Variants in PNMA2 observed in about 807,000 individuals in gnomAD.
PNMA2 encodes the protein paraneoplastic antigen Ma2.
For missense variants in PNMA2, 455 were observed against 452.9 expected, an observed-to-expected ratio of 1.00 and a Z score of -0.04; for synonymous variants, 175 against 183.5, an observed-to-expected ratio of 0.95 and a Z score of 0.38.
chr8:26,512,688 C>T (rs1420997855), intron 1 of PNMA2: 1 of 152,322 alleles, frequency 6.6e-6, no homozygotes, highest in East Asian at 1.9e-4. Flanking sequence ...GATTTTGCCA[C>T]TGTGGAAAGA....
At chr8:26,510,004 G>A (rs753855852) in intron 1 of PNMA2, among the ~76,000 whole-genome samples, 3 of 152,226 alleles carry the variant, frequency 2.0e-5, no homozygotes, top group Non-Finnish European at 4.4e-5. Context: ...AAGTGAAATA[G>A]TTTGAAGGTT....
chr8:26,507,897 G>A lies in PNMA2; in HGVS notation c.859C>T (p.Arg287Trp), dbSNP rs541732199. The A allele has an allele frequency of 5.6e-6, 9 of 1,614,156 alleles. No homozygotes were observed. The highest frequency in any genetic ancestry group is 2.2e-5 in the East Asian group (1 of 44,868). ...RRAVEKRAIP[R>W]RIADQVRLEQ... Reference sequence around the variant, plus strand: ...AGGCGGACCTGGTCCGCAATACGCCGAGGGATGGCGCGTTTCTCCACCGCT... The same window carrying A: ...AGGCGGACCTGGTCCGCAATACGCCAAGGGATGGCGCGTTTCTCCACCGCT... The change falls in exon 3 of 3, where the codon CGG becomes TGG. Residue 287 changes from arginine (R) to tryptophan (W), a missense_variant. Arg to Trp is a moderately radical substitution (Grantham distance 101). Coordinates refer to ENST00000522362, the MANE Select transcript of PNMA2 (RefSeq NM_007257.6).
chr8:26,511,134 A>C lies in PNMA2; in HGVS notation c.-618-1457T>G, dbSNP rs184344042. Among the ~76,000 whole-genome samples the C allele has an allele frequency of 4.6e-3, 679 of 147,312 alleles. 10 individuals carry two copies. The highest frequency in any genetic ancestry group is 0.016 in the African/African-American group (624 of 40,176). Reference sequence around the variant, plus strand: ...ACCACTGCACTCTAACCTGAGTAACAGAGCAAGACTCTGTCTCAAAAAAAA... The same window carrying C: ...ACCACTGCACTCTAACCTGAGTAACCGAGCAAGACTCTGTCTCAAAAAAAA... On this transcript the variant is annotated intron_variant, in intron 1 of 2. Coordinates refer to ENST00000522362, the MANE Select transcript of PNMA2 (RefSeq NM_007257.6).
Position 26,508,854 on chromosome 8 carries a change from T to C in PNMA2, c.-99A>G. 1 of 1,522,110 alleles carries C rather than the reference T, an allele frequency of 6.6e-7. No individual in the cohort carries two copies. Among genetic ancestry groups the C allele is most frequent in the Non-Finnish European group, 8.8e-7 (1 of 1,137,976 alleles). The allele number at this position is 1,522,110 out of a possible 1,614,324, so 94.3% of individuals were successfully genotyped here. A position where few individuals can be genotyped will look rare whatever the true frequency, so the allele number is the denominator to read the frequency against. The stretch of plus-strand genomic sequence containing the variant: ...ATTGAAAATATCCTGGATGAGCTTC[T>C]AACCTTAGAACCCACCAATGAATGG... On this transcript the variant is annotated 5_prime_UTR_variant, in exon 3 of 3. Transcript: ENST00000522362. The surrounding 1 kb of genome is among the most constrained non-coding windows in gnomAD (Gnocchi z 5.5).
chr8:26,506,750 T>C lies in PNMA2; in HGVS notation c.*911A>G, dbSNP rs1048201076. 6.6e-6 allele frequency: 1 copy of C among 152,236 alleles called. No homozygotes were observed. The allele number at this position is 152,236 out of a possible 1,614,324, so 9.4% of individuals were successfully genotyped here. A position where few individuals can be genotyped will look rare whatever the true frequency, so the allele number is the denominator to read the frequency against. On this transcript the variant is annotated 3_prime_UTR_variant, in exon 3 of 3. Transcript: ENST00000522362. This position sits in a 1 kb window ranked among gnomAD's most constrained non-coding sequence, Gnocchi z 4.4. ...GTCTAGATCAGCTCCTCATCTAGAC[T>C]GGAACCTCTCTGAGGGCAGGGCCCA...
chr8:26,507,745 T>A lies in PNMA2; in HGVS notation c.1011A>T (p.Glu337Asp). Residue 337 changes from glutamate (E) to aspartate (D), a missense_variant, in exon 3 of 3, where the codon GAA becomes GAT. Glu to Asp is a conservative substitution (Grantham distance 45). Coordinates refer to ENST00000522362, the MANE Select transcript of PNMA2 (RefSeq NM_007257.6). ...TACTCTCATTCTCAAAGGAGGCCTC[T>A]TCCTCCTCTTCTTCCCGTATTACCT... The part of the protein sequence containing the change: ...LMKVIREEEE[E>D]EASFENESIE... The A allele has an allele frequency of 6.2e-7, 1 of 1,611,852 alleles. No homozygotes were observed. Among genetic ancestry groups the A allele is most frequent in the Non-Finnish European group, 8.5e-7 (1 of 1,179,130 alleles).
chr8:26,508,064 T>C lies in PNMA2; in HGVS notation c.692A>G (p.Glu231Gly). The change falls in exon 3 of 3, where the codon GAA (glutamate) becomes GGA (glycine). Residue 231 changes from glutamate to glycine, a missense_variant. Coordinates refer to ENST00000522362, the MANE Select transcript of PNMA2 (RefSeq NM_007257.6). The surrounding 1 kb of genome is among the most constrained non-coding windows in gnomAD (Gnocchi z 5.5). ...TTGCTTAAAGGCCTCCAAACACTCT[T>C]CTACACTGATGGACGGGTTGTCTGC... ...VQADNPSISV[E>G]ECLEAFKQVF... The C allele has an allele frequency of 6.2e-7, 1 of 1,614,232 alleles. No individual in the cohort carries two copies. The highest frequency in any genetic ancestry group is 8.5e-7 in the Non-Finnish European group (1 of 1,180,046).
In PNMA2 at chr8:26,506,402, C is replaced by G. The variant is rs1295520535; in HGVS notation, c.*1259G>C. ...CCTGCTCACTAAATCCAAACCTGCCCTAAACAACCCTGCTCTCAAGCATGC... is the reference window on the plus strand; with the variant it reads ...CCTGCTCACTAAATCCAAACCTGCCGTAAACAACCCTGCTCTCAAGCATGC... On this transcript the variant is annotated 3_prime_UTR_variant, in exon 3 of 3. Coordinates refer to ENST00000522362, the MANE Select transcript of PNMA2 (RefSeq NM_007257.6). This position sits in a 1 kb window ranked among gnomAD's most constrained non-coding sequence, Gnocchi z 4.4. 6.6e-6 allele frequency: 1 copy of G among 152,270 alleles called. No individual in the cohort carries two copies. Among genetic ancestry groups the G allele is most frequent in the African/African-American group, 2.4e-5 (1 of 41,434 alleles). The allele number at this position is 152,270 out of a possible 1,614,324, so 9.4% of individuals were successfully genotyped here.
chr8:26,511,431 T>A (rs1445972165), intron 1 of PNMA2, among the ~76,000 whole-genome samples: 1 of 152,128 alleles, frequency 6.6e-6, no homozygotes, highest in Admixed American at 6.6e-5. Context: ...CCCAGAGACC[T>A]GAGACTGCTG....
Position 26,509,563 on chromosome 8 carries a change from C to T in PNMA2, c.-504G>A, listed in dbSNP as rs1456698227. On this transcript the variant is annotated 5_prime_UTR_variant, in exon 2 of 3. Coordinates refer to ENST00000522362, the MANE Select transcript of PNMA2 (RefSeq NM_007257.6). This position sits in a 1 kb window ranked among gnomAD's most constrained non-coding sequence, Gnocchi z 5.7. ...GGCTAAATACCTGTTGATGTGTTCC[C>T]GAGTGTTCCGCGAGAGGTGAGGAGC... is the stretch of plus-strand genomic sequence containing the variant. The T allele has an allele frequency of 1.3e-5, 2 of 152,144 alleles. No individual in the cohort carries two copies. Among genetic ancestry groups the T allele is most frequent in the Admixed American group, 6.5e-5 (1 of 15,280 alleles). 9.4% of individuals were successfully genotyped at this position (152,144 alleles called of 1,614,324 possible).
At position 26,508,301 on chromosome 8, in the gene PNMA2, T is replaced by G; in HGVS notation, c.455A>C (p.His152Pro). The change falls in exon 3 of 3, where the codon CAT (histidine) becomes CCT (proline). Residue 152 changes from histidine to proline, a missense_variant. Coordinates refer to ENST00000522362, the MANE Select transcript of PNMA2 (RefSeq NM_007257.6). This position sits in a 1 kb window ranked among gnomAD's most constrained non-coding sequence, Gnocchi z 5.5. The stretch of plus-strand genomic sequence containing the variant: ...CATGGGTAGCAGGGGCTGAGGCGCA[T>G]GTGCCATTGCCTGTCCCAACAAATG... Reference protein sequence around the residue: ...LAHLLGQAMAHAPQPLLPMRY... With the variant: ...LAHLLGQAMAPAPQPLLPMRY... 1 of 1,606,622 alleles carries G rather than the reference T, an allele frequency of 6.2e-7. No individual in the cohort carries two copies. Among genetic ancestry groups the G allele is most frequent in the East Asian group, 2.2e-5 (1 of 44,812 alleles).
chr8:26,513,461 T>C (rs1050301684), intron 1 of PNMA2, among the ~76,000 whole-genome samples: 4 of 148,960 alleles, frequency 2.7e-5, no homozygotes, highest in African/African-American at 7.4e-5. Flanking sequence ...CTCGTTTCAG[T>C]CTCTGCTCCC....
Position 26,507,901 on chromosome 8 carries a change from G to A in PNMA2, c.855C>T (p.Ile285=), listed in dbSNP as rs141423514. The part of the protein sequence containing the change: ...LLRRAVEKRA[I]PRRIADQVRL... ...GGACCTGGTCCGCAATACGCCGAGG[G>A]ATGGCGCGTTTCTCCACCGCTCTCC... The change falls in exon 3 of 3, where the codon ATC becomes ATT. Residue 285 remains isoleucine, a synonymous_variant. Coordinates refer to ENST00000522362, the MANE Select transcript of PNMA2 (RefSeq NM_007257.6). 5.4e-5 allele frequency: 87 copies of A among 1,614,176 alleles called. No homozygotes were observed. In the African/African-American group the frequency reaches 1.1e-3, roughly 21 times the overall value.
chr8:26,512,623 G>A (rs1808180808), intron 1 of PNMA2, among the ~76,000 whole-genome samples: 1 of 152,108 alleles, frequency 6.6e-6, no homozygotes, highest in South Asian at 2.1e-4. Flanking sequence ...CCTGGTTACT[G>A]AGCATGCCCA....
Position 26,507,479 on chromosome 8 carries a change from G to C in PNMA2, c.*182C>G, listed in dbSNP as rs772399440. 5 of 499,332 alleles carry C rather than the reference G, an allele frequency of 1.0e-5. No individual in the cohort carries two copies. Among genetic ancestry groups the C allele is most frequent in the African/African-American group, 2.0e-5 (1 of 50,078 alleles). The allele number at this position is 499,332 out of a possible 1,614,324, so 30.9% of individuals were successfully genotyped here. A position where few individuals can be genotyped will look rare whatever the true frequency, so the allele number is the denominator to read the frequency against. The stretch of plus-strand genomic sequence containing the variant: ...AAAAAGAAAAAAGGAAGGAAGGAAG[G>C]AAAGAGAGGAGAGGAGAGGAGAGAG... On this transcript the variant is annotated 3_prime_UTR_variant, in exon 3 of 3. Coordinates refer to ENST00000522362, the MANE Select transcript of PNMA2 (RefSeq NM_007257.6).
At chr8:26,513,388 G>GCCCCCCCCCCCCC in intron 1 of PNMA2, among the ~76,000 whole-genome samples, 1 of 141,046 alleles carries the variant, frequency 7.1e-6, no homozygotes, top group Non-Finnish European at 1.5e-5. Flanking sequence ...CATGTTGTGT[G>GCCCCCCCCCCCCC]CCCCCCCCCC....
rs1808079247 is a variant in PNMA2 at position 26,508,118 on chromosome 8, G to C, written c.638C>G (p.Pro213Arg). Residue 213 changes from proline (P) to arginine (R), a missense_variant, in exon 3 of 3, where the codon CCT becomes CGT. Physicochemically the swap from Pro to Arg is moderately radical, Grantham distance 103 (BLOSUM62 -2). Transcript: ENST00000522362. The surrounding 1 kb of genome is among the most constrained non-coding windows in gnomAD (Gnocchi z 5.5). ...CACTATGTGCATGAGGTCCAGGGCA[G>C]GGCCCCGCAGGCTTTCCGCCAGCCA... ...KRWLAESLRG[P>R]ALDLMHIVQA... 1.2e-6 allele frequency: 2 copies of C among 1,614,132 alleles called. No homozygotes were observed. The highest frequency in any genetic ancestry group is 1.7e-6 in the Non-Finnish European group (2 of 1,180,050).
intron 1 of PNMA2, among the ~76,000 whole-genome samples, chr8:26,510,445 TTC>T (rs957347682): frequency 3.6e-4 from 55 of 152,336 alleles, no homozygotes; most frequent in African/African-American, 1.3e-3. Context: ...AAGCATTTGT[TTC>T]TGTTTCTGTT....
In PNMA2 at chr8:26,508,748, A is replaced by AGC. The variant is rs1405157691; in HGVS notation, c.6_7dup (p.Leu3ArgfsTer5). 6.2e-7 allele frequency: 1 copy of AGC among 1,609,770 alleles called. No homozygotes were observed. The highest frequency in any genetic ancestry group is 8.5e-7 in the Non-Finnish European group (1 of 1,178,038). On this transcript the variant is annotated frameshift_variant, in exon 3 of 3. Coordinates refer to ENST00000522362, the MANE Select transcript of PNMA2 (RefSeq NM_007257.6). LOFTEE classifies it low-confidence loss of function (END_TRUNC). This position sits in a 1 kb window ranked among gnomAD's most constrained non-coding sequence, Gnocchi z 5.5. ...CCTGCACCAGTCCTCTAACAGTGCCAGCGCCATTGTCCTAAGAATTGACCC... is the reference window on the plus strand; with the variant it reads ...CCTGCACCAGTCCTCTAACAGTGCCAGCGCGCCATTGTCCTAAGAATTGACCC...
Sources: allele counts gnomAD v4.1 joint callset (sites outside exome capture counted in the v4.1 genomes callset), GRCh38; gene constraint gnomAD v4.1.1; non-coding constraint Gnocchi (gnomAD v3.1); transcripts MANE v1.5; gene names NCBI Gene and HGNC (gene_info 2026-07-23, HGNC 2026-07-21).